The following R3HDM1 variants were observed in gnomAD, a reference collection of about 807,000 sequenced individuals.
R3HDM1 encodes R3H domain containing 1.
Under a neutral mutation model 141.1 loss-of-function variants are expected in R3HDM1, and 46 were observed. That is an observed-to-expected ratio of 0.33 (90% CI 0.26 to 0.42). The LOEUF (loss-of-function observed/expected upper bound fraction) is 0.42, where lower values mean the gene tolerates loss of function less well. Ranked by LOEUF, R3HDM1 falls within the 10% of genes least tolerant of loss-of-function variation. R3HDM1 has a pLI of 1.00. For synonymous variants in R3HDM1, 435 were observed against 472.9 expected (o/e 0.92, Z 1.04); for missense variants, 1,184 against 1,368.3 (o/e 0.87, Z 2.12).
At chr2:135,610,393 TGC>T (rs1427836419) in intron 3 of R3HDM1, among the ~76,000 whole-genome samples, 1 of 152,236 alleles carries the variant, frequency 6.6e-6, no homozygotes, top group Non-Finnish European at 1.5e-5. Context: ...AGGCCTTGTG[TGC>T]CAGAGTCAAT....
chr2:135,612,629 G>A (rs1420982467), intron 3 of R3HDM1, among the ~76,000 whole-genome samples: 3 of 152,104 alleles, frequency 2.0e-5, no homozygotes, highest in Admixed American at 2.0e-4. Context: ...ATAAAACAAT[G>A]TAAATTATAA....
chr2:135,570,070 T>C (rs976971582), intron 1 of R3HDM1, among the ~76,000 whole-genome samples: 2 of 152,232 alleles, frequency 1.3e-5, no homozygotes, highest in Non-Finnish European at 2.9e-5. Context: ...TTTGTTGTTT[T>C]CATTCAAGAA....
chr2:135,693,339 G>C (rs1228697921), intron 21 of R3HDM1, among the ~76,000 whole-genome samples: 1 of 151,926 alleles, frequency 6.6e-6, no homozygotes, highest in African/African-American at 2.4e-5. Context: ...GCCAACTCCT[G>C]TACTAGATGG....
chr2:135,605,594 G>A (rs978609138), intron 3 of R3HDM1: 15 of 152,280 alleles, frequency 9.9e-5, no homozygotes, highest in African/African-American at 3.1e-4. Flanking sequence ...CCAAGTAATA[G>A]CATTTCTAGT....
At chr2:135,595,296 C>T (rs867584509) in intron 1 of R3HDM1, among the ~76,000 whole-genome samples, 4 of 152,214 alleles carry the variant, frequency 2.6e-5, no homozygotes, top group African/African-American at 9.6e-5. Flanking sequence ...TTCCAGCTCT[C>T]ACAGCCCTTA....
At chr2:135,602,401 A>T in intron 1 of R3HDM1, 99 bp from the exon 2 acceptor site, 5 of 838,572 alleles carry the variant, frequency 6.0e-6, no homozygotes, top group Non-Finnish European at 8.0e-6. Flanking sequence ...AATGTAATAA[A>T]ACAACTGACA....
chr2:135,666,973 C>A, intron 19 of R3HDM1: 1 of 387,662 alleles, frequency 2.6e-6, no homozygotes, highest in Non-Finnish European at 3.5e-6. Flanking sequence ...TGTACAAGCA[C>A]AGTCTGGAAA....
chr2:135,699,040 TAGA>T (rs879613764), intron 21 of R3HDM1, among the ~76,000 whole-genome samples: 9,643 of 113,296 alleles, frequency 0.085, 552 homozygotes, highest in African/African-American at 0.097. Context: ...GATAGATAGA[TAGA>T]TAAGATAGAT....
chr2:135,555,678 A>G (rs1157592471), intron 1 of R3HDM1, among the ~76,000 whole-genome samples: 2 of 152,228 alleles, frequency 1.3e-5, no homozygotes, highest in Non-Finnish European at 2.9e-5. Context: ...CCGTCAACTG[A>G]TGAATGGATA....
In R3HDM1 at chr2:135,651,937, C is replaced by T. The variant is rs763089027; in HGVS notation, c.1933C>T (p.Gln645Ter). The T allele has an allele frequency of 6.2e-7, 1 of 1,613,516 alleles. No homozygotes were observed. The highest frequency in any genetic ancestry group is 1.1e-5 in the South Asian group (1 of 91,046). ...PPPPPPLPPG[Q>*]PVPTAGYPAS... ...TCCTCCTCCTCCCCTACCACCTGGG[C>T]AGCCAGTCCCTACTGCTGGATATCC... Residue 645 changes from glutamine to a stop codon, truncating the protein, a stop_gained, in exon 18 of 27, where the codon CAG becomes TAG. Coordinates refer to ENST00000683871, the MANE Select transcript of R3HDM1 (RefSeq NM_001378107.1). LOFTEE classifies it high-confidence loss of function.
At chr2:135,537,029 CA>C (rs1696293155) in intron 1 of R3HDM1, among the ~76,000 whole-genome samples, 2 of 151,954 alleles carry the variant, frequency 1.3e-5, no homozygotes, top group South Asian at 4.1e-4. Context: ...TCCCTGGTGC[CA>C]AAAAGGTTGG....
chr2:135,596,947 G>T (rs1020737768), intron 1 of R3HDM1: 3 of 875,950 alleles, frequency 3.4e-6, no homozygotes, highest in South Asian at 5.3e-5. Context: ...GGATATGTGG[G>T]ATTTAAAATT....
chr2:135,594,980 C>G (rs1452684000), intron 1 of R3HDM1, among the ~76,000 whole-genome samples: 2 of 151,224 alleles, frequency 1.3e-5, no homozygotes, highest in Non-Finnish European at 2.9e-5. Context: ...ATTCTACACC[C>G]CCCCCCCTTT....
chr2:135,631,595 G>T, intron 7 of R3HDM1, 123 bp from the exon 8 acceptor site: 1 of 638,936 alleles, frequency 1.6e-6, no homozygotes, highest in Non-Finnish European at 2.5e-6. Context: ...ATCAAGATTG[G>T]GGTAATACTG....
intron 1 of R3HDM1, among the ~76,000 whole-genome samples, chr2:135,550,436 G>A (rs1167623933): frequency 6.6e-6 from 1 of 152,186 alleles, no homozygotes; most frequent in African/African-American, 2.4e-5. Context: ...TAAATGTTAA[G>A]TTTGTATCAC....
intron 1 of R3HDM1, chr2:135,581,297 G>T (rs1706743602): frequency 1.0e-6 from 1 of 985,190 alleles, no homozygotes; most frequent in South Asian, 4.7e-5. Context: ...TCCACAGTAG[G>T]GGAACTCTCA....
At chr2:135,700,017 A>C (rs1411386956) in intron 21 of R3HDM1, among the ~76,000 whole-genome samples, 1 of 152,214 alleles carries the variant, frequency 6.6e-6, no homozygotes, top group African/African-American at 2.4e-5. Context: ...TTTTCTATAA[A>C]TCAGTCGGGA....
intron 1 of R3HDM1, among the ~76,000 whole-genome samples, chr2:135,581,683 C>A (rs1229146700): frequency 6.6e-6 from 1 of 152,164 alleles, no homozygotes; most frequent in African/African-American, 2.4e-5. Flanking sequence ...CTTCTAGTGG[C>A]ATCAACATTC....
chr2:135,602,598 A>G lies in R3HDM1; in HGVS notation c.-151A>G. 1 of 1,542,750 alleles carries G rather than the reference A, an allele frequency of 6.5e-7. No individual in the cohort carries two copies. The highest frequency in any genetic ancestry group is 1.7e-4 in the Middle Eastern group (1 of 5,956). ...CATGGGACTCCTCCTGCCAGATTAC[A>G]GATGGTTCACTACAGTTGACATCCT... On this transcript the variant is annotated 5_prime_UTR_variant, in exon 2 of 27. Coordinates refer to ENST00000683871, the MANE Select transcript of R3HDM1 (RefSeq NM_001378107.1).
Sources: allele counts gnomAD v4.1 joint callset (sites outside exome capture counted in the v4.1 genomes callset), GRCh38; gene constraint gnomAD v4.1.1; transcripts MANE v1.5; gene names NCBI Gene and HGNC (gene_info 2026-07-23, HGNC 2026-07-21).